SLA: variants seen among roughly 807,000 people sequenced by gnomAD.
SLA encodes Src like adaptor, also known as src-like-adapter.
Under a neutral mutation model 30.3 loss-of-function variants are expected in SLA, and 16 were observed. That is an observed-to-expected ratio of 0.53 (90% CI 0.36 to 0.80). SLA has a LOEUF of 0.80. Ranked by LOEUF, SLA falls within the 30% of genes least tolerant of loss-of-function variation. SLA has a pLI of 0.01. For synonymous variants in SLA, 143 were observed against 137.8 expected (o/e 1.04, Z -0.26); for missense variants, 310 against 345.2 (o/e 0.90, Z 0.81).
chr8:133,095,771 G>A (rs143648315), intron 1 of SLA, among the ~76,000 whole-genome samples: 5 of 152,206 alleles, frequency 3.3e-5, no homozygotes, highest in Non-Finnish European at 7.3e-5. Flanking sequence ...TGGCCTGATC[G>A]CCTTAGCAAT....
intron 1 of SLA, among the ~76,000 whole-genome samples, chr8:133,098,705 G>A (rs1249145629): frequency 6.6e-6 from 1 of 152,204 alleles, no homozygotes; most frequent in Middle Eastern, 3.2e-3. Flanking sequence ...CGGCCCTGTG[G>A]TTAGTTCCCA....
intron 1 of SLA, among the ~76,000 whole-genome samples, chr8:133,099,358 G>C (rs1848910889): frequency 1.3e-5 from 2 of 152,202 alleles, no homozygotes; most frequent in Admixed American, 1.3e-4. Flanking sequence ...CCTGCATCCT[G>C]CCAAGAACTC....
chr8:133,089,658 A>G (rs773373272), intron 1 of SLA, among the ~76,000 whole-genome samples: 20 of 152,180 alleles, frequency 1.3e-4, no homozygotes, highest in Non-Finnish European at 2.8e-4. Context: ...CCTGCCATTC[A>G]TTCATTTGTT....
At chr8:133,058,363 TATGTCTGTTCTAG>T (rs1841847762) in intron 3 of SLA, among the ~76,000 whole-genome samples, 1 of 152,234 alleles carries the variant, frequency 6.6e-6, no homozygotes, top group Admixed American at 6.5e-5. Flanking sequence ...CCCCTCTCTC[TATGTCTGTTCTAG>T]AGGTGACCTC....
intron 1 of SLA, among the ~76,000 whole-genome samples, chr8:133,088,711 A>T (rs1847006954): frequency 6.6e-6 from 1 of 152,184 alleles, no homozygotes; most frequent in Non-Finnish European, 1.5e-5. Context: ...TACATTTCAG[A>T]TTGTCTCCTA....
chr8:133,061,301 G>T (rs1277497571), intron 2 of SLA, among the ~76,000 whole-genome samples: 1 of 152,206 alleles, frequency 6.6e-6, no homozygotes, highest in Non-Finnish European at 1.5e-5. Context: ...AAGCCTCCAT[G>T]CCTGGCCAAG....
intron 1 of SLA, among the ~76,000 whole-genome samples, chr8:133,095,469 G>C (rs1848269288): frequency 6.6e-6 from 1 of 152,190 alleles, no homozygotes; most frequent in Admixed American, 6.5e-5. Context: ...TAGTTATACA[G>C]ACCTTATAGA....
chr8:133,049,261 A>ATTTTTCAAGGAAGGCACAT, intron 5 of SLA: 1 of 414,750 alleles, frequency 2.4e-6, no homozygotes, highest in Non-Finnish European at 4.9e-6. Flanking sequence ...TATCTTACCC[A>ATTTTTCAAGGAAGGCACAT]TTTTTCAAGG....
chr8:133,056,322 G>A (rs1245311552), intron 3 of SLA, among the ~76,000 whole-genome samples: 2 of 152,184 alleles, frequency 1.3e-5, no homozygotes, highest in African/African-American at 4.8e-5. Context: ...TACCAGCAGC[G>A]AGGTTAGATT....
In SLA at chr8:133,045,064, A is replaced by G; in HGVS notation, c.404T>C (p.Phe135Ser). The G allele has an allele frequency of 1.2e-6, 2 of 1,614,170 alleles. No homozygotes were observed. Among genetic ancestry groups the G allele is most frequent in the South Asian group, 1.1e-5 (1 of 91,086 alleles). Residue 135 changes from phenylalanine (F) to serine (S), a missense_variant, in exon 7 of 9, where the codon TTC becomes TCC. Physicochemically the swap from Phe to Ser is radical, Grantham distance 155. Transcript: ENST00000338087. ...RHRQVKHYRI[F>S]RLPNNWYYIS... ...GTAGTACCAGTTGTTGGGCAGACGG[A>G]AAATGCGGTAATGCTTTACCTGCCT...
In SLA at chr8:133,060,004, C is replaced by T. The variant is rs533456347; in HGVS notation, c.61+96G>A. 1,843 of 1,265,908 alleles carry T rather than the reference C, an allele frequency of 1.5e-3. 22 individuals carry two copies. The highest frequency in any genetic ancestry group is 2.9e-4 in the Middle Eastern group (1 of 3,476). 78.4% of individuals were successfully genotyped at this position (1,265,908 alleles called of 1,614,324 possible). ...AATGAGCCCTTCGGTACCCATTGCCCCATTTAAGTAGTTACCGGCATCCAC... is the reference window on the plus strand; with the variant it reads ...AATGAGCCCTTCGGTACCCATTGCCTCATTTAAGTAGTTACCGGCATCCAC... On this transcript the variant is annotated intron_variant, in intron 3 of 8. Coordinates refer to ENST00000338087, the MANE Select transcript of SLA (RefSeq NM_001045556.3).
At chr8:133,050,031 A>G in intron 4 of SLA, 43 bp from the exon 5 acceptor site, 2 of 1,266,546 alleles carry the variant, frequency 1.6e-6, no homozygotes, top group Non-Finnish European at 2.3e-6. Flanking sequence ...ATAGGTAAAT[A>G]GCAAAACCAA....
At chr8:133,088,256 G>GCTC (rs5895174) in intron 1 of SLA, among the ~76,000 whole-genome samples, 49 of 151,464 alleles carry the variant, frequency 3.2e-4, no homozygotes, top group African/African-American at 9.7e-4. Flanking sequence ...CTCCCCTCCT[G>GCTC]CTCCTCCTCC....
intron 7 of SLA, among the ~76,000 whole-genome samples, chr8:133,043,207 T>C (rs907179230): frequency 6.6e-6 from 1 of 152,132 alleles, no homozygotes; most frequent in Non-Finnish European, 1.5e-5. Flanking sequence ...ATATTCCCCA[T>C]GGTCAAGCAG....
At chr8:133,093,343 A>G (rs1847882034) in intron 1 of SLA, among the ~76,000 whole-genome samples, 1 of 151,072 alleles carries the variant, frequency 6.6e-6, no homozygotes, top group Non-Finnish European at 1.5e-5. Context: ...GGATCCTGGG[A>G]GTTAGGATTC....
At chr8:133,076,142 A>G (rs1440014789) in intron 1 of SLA, 3 of 152,198 alleles carry the variant, frequency 2.0e-5, no homozygotes, top group Admixed American at 2.0e-4. Context: ...ATGCCAGGTA[A>G]CCACACTGGG....
chr8:133,091,333 C>T (rs1847483966), intron 1 of SLA, among the ~76,000 whole-genome samples: 1 of 152,236 alleles, frequency 6.6e-6, no homozygotes, highest in African/African-American at 2.4e-5. Context: ...TGAGGATTCA[C>T]ATTCCAGGGT....
intron 2 of SLA, among the ~76,000 whole-genome samples, chr8:133,067,368 G>A (rs377451376): frequency 6.6e-5 from 10 of 152,162 alleles, no homozygotes; most frequent in African/African-American, 2.2e-4. Flanking sequence ...GGCTCTAGGG[G>A]CACTGGCAAG....
intron 5 of SLA, chr8:133,049,249 T>C: frequency 2.3e-6 from 1 of 427,320 alleles, no homozygotes; most frequent in South Asian, 1.6e-5. Flanking sequence ...ATATCTCTTG[T>C]TTATCTTACC....
Sources: gnomAD v4.1 joint callset for allele counts (sites outside exome capture counted in the v4.1 genomes callset) on GRCh38, gnomAD v4.1.1 for gene constraint, MANE v1.5 for transcripts, NCBI Gene and HGNC (gene_info 2026-07-23, HGNC 2026-07-21) for gene names.